CRYGN: variants seen among roughly 807,000 people sequenced by gnomAD.
CRYGN encodes crystallin gamma N.
Under a neutral mutation model 19.2 loss-of-function variants are expected in CRYGN, and 17 were observed. That is an observed-to-expected ratio of 0.89 (90% CI 0.61 to 1.33). CRYGN has a LOEUF of 1.33. CRYGN is among the 40% of genes most tolerant of loss of function. The pLI, the probability that CRYGN is intolerant of heterozygous loss-of-function variation, is 0.00. For synonymous variants in CRYGN, 84 were observed against 85.8 expected (o/e 0.98, Z 0.12); for missense variants, 239 against 239.6 (o/e 1.00, Z 0.02).
chr7:151,437,526 C>A (rs1801647016), intron 2 of CRYGN, among the ~76,000 whole-genome samples: 2 of 152,144 alleles, frequency 1.3e-5, no homozygotes, highest in African/African-American at 4.8e-5. Context: ...AAGGGACCTG[C>A]CCCCCAATTT....
intron 1 of CRYGN, 101 bp downstream of exon 1, chr7:151,439,796 G>T: frequency 1.6e-6 from 2 of 1,259,394 alleles, no homozygotes. Flanking sequence ...GCTTCCCTTG[G>T]ATTTGTCACC....
Position 151,430,248 on chromosome 7 carries a change from C to T in CRYGN, c.417-68G>A, listed in dbSNP as rs1342416027. On this transcript the variant is annotated intron_variant, in intron 3 of 3. Coordinates refer to ENST00000337323, the MANE Select transcript of CRYGN (RefSeq NM_144727.3). This position sits in a 1 kb window ranked among gnomAD's most constrained non-coding sequence, Gnocchi z 5.2. ...GGTACAGAGCAGGCCTTTTGGGGAC[C>T]CATCTACCACATGGCAGCAGGGAGC... The T allele has an allele frequency of 2.0e-6, 3 of 1,496,830 alleles. No homozygotes were observed. Among genetic ancestry groups the T allele is most frequent in the African/African-American group, 1.4e-5 (1 of 71,980 alleles). The allele number at this position is 1,496,830 out of a possible 1,614,324, so 92.7% of individuals were successfully genotyped here.
intron 2 of CRYGN, among the ~76,000 whole-genome samples, chr7:151,437,550 G>A (rs1007854716): frequency 1.2e-4 from 19 of 152,138 alleles, no homozygotes; most frequent in African/African-American, 3.9e-4. Context: ...CCTGACAGGC[G>A]GGTGATTCTT....
rs778293622 is a variant in CRYGN, at chr7:151,436,275, G to A, written c.321C>T (p.Gly107=). 3.8e-6 allele frequency: 6 copies of A among 1,598,492 alleles called. No homozygotes were observed. In the Admixed American group the frequency reaches 1.0e-4, roughly 28 times the overall value. ...TGTCCTCCAGGAACTCCAGGCACTGGCCCGTGAAGTTGCAACCCTCGAAGA... is the reference window on the plus strand; with the variant it reads ...TGTCCTCCAGGAACTCCAGGCACTGACCCGTGAAGTTGCAACCCTCGAAGA... ...LEIFEGCNFT[G]QCLEFLEDSP... Residue 107 remains glycine, a synonymous_variant, in exon 3 of 4, where the codon GGC becomes GGT. Coordinates refer to ENST00000337323, the MANE Select transcript of CRYGN (RefSeq NM_144727.3). This position sits in a 1 kb window ranked among gnomAD's most constrained non-coding sequence, Gnocchi z 5.1.
intron 2 of CRYGN, chr7:151,437,715 AT>A: frequency 5.2e-6 from 5 of 957,154 alleles, no homozygotes; most frequent in Non-Finnish European, 7.5e-6. Flanking sequence ...TTTCAACAGC[AT>A]TTTAAATGGA....
In CRYGN at chr7:151,438,223, G is replaced by A. The variant is rs1801672554; in HGVS notation, c.43C>T (p.His15Tyr). 1 of 1,612,656 alleles carries A rather than the reference G, an allele frequency of 6.2e-7. No individual in the cohort carries two copies. Among genetic ancestry groups the A allele is most frequent in the South Asian group, 1.1e-5 (1 of 91,074 alleles). The part of the protein sequence containing the change: ...SGKITLYEGK[H>Y]FTGQKLEVFG... ...ACCTCCAGCTTCTGCCCTGTGAAGT[G>A]CTTGCCTTCATAGAGAGTGATCTAG... Residue 15 changes from histidine (H) to tyrosine (Y), a missense_variant, in exon 2 of 4, where the codon CAC (histidine) becomes TAC (tyrosine). His to Tyr is a moderately conservative substitution (Grantham distance 83, BLOSUM62 2). Transcript: ENST00000337323.
At chr7:151,437,201 C>A (rs1175668447) in intron 2 of CRYGN, among the ~76,000 whole-genome samples, 2 of 152,218 alleles carry the variant, frequency 1.3e-5, no homozygotes, top group Non-Finnish European at 2.9e-5. Context: ...CACACAAAGG[C>A]CCCTTTACTG....
In CRYGN at chr7:151,431,783, G is replaced by T. The variant is rs2150905575; in HGVS notation, c.417-1603C>A. ...CAGAGATCAGACACAGAGACCCTGG[G>T]TCAGGCCTTTGGCCACATGGCCTGG... On this transcript the variant is annotated intron_variant, in intron 3 of 3. Coordinates refer to ENST00000337323, the MANE Select transcript of CRYGN (RefSeq NM_144727.3). This position sits in a 1 kb window ranked among gnomAD's most constrained non-coding sequence, Gnocchi z 4.8. 5.9e-6 allele frequency: 1 copy of T among 170,168 alleles called. No individual in the cohort carries two copies. The highest frequency in any genetic ancestry group is 2.4e-5 in the African/African-American group (1 of 42,298). The allele number at this position is 170,168 out of a possible 1,614,324, so 10.5% of individuals were successfully genotyped here.
intron 3 of CRYGN, chr7:151,432,279 G>A (rs990692503): frequency 2.4e-5 from 29 of 1,231,368 alleles, no homozygotes; most frequent in Non-Finnish European, 2.9e-5. Context: ...CCTCATACAG[G>A]ACCCACCTGG....
In CRYGN at chr7:151,431,376, AG is replaced by A. The variant is rs1801458725; in HGVS notation, c.417-1197del. Among the ~76,000 whole-genome samples, 1 of 152,068 alleles carries A rather than the reference AG, an allele frequency of 6.6e-6. No individual in the cohort carries two copies. Among genetic ancestry groups the A allele is most frequent in the African/African-American group, 2.4e-5 (1 of 41,414 alleles). On this transcript the variant is annotated intron_variant, in intron 3 of 3. Transcript: ENST00000337323. This position sits in a 1 kb window ranked among gnomAD's most constrained non-coding sequence, Gnocchi z 4.8. ...ACTTCTCCCTCCCCTCTGCCCCTCA[AG>A]GGTGGGGTGTCCCCTCTAGATTCAA...
Position 151,436,033 on chromosome 7 carries a change from G to A in CRYGN, c.416+147C>T. The A allele has an allele frequency of 1.9e-6, 1 of 514,134 alleles. No individual in the cohort carries two copies. The highest frequency in any genetic ancestry group is 3.0e-6 in the Non-Finnish European group (1 of 330,076). The allele number at this position is 514,134 out of a possible 1,614,324, so 31.8% of individuals were successfully genotyped here. A position where few individuals can be genotyped will look rare whatever the true frequency, so the allele number is the denominator to read the frequency against. On this transcript the variant is annotated intron_variant, in intron 3 of 3. Coordinates refer to ENST00000337323, the MANE Select transcript of CRYGN (RefSeq NM_144727.3). The surrounding 1 kb of genome is among the most constrained non-coding windows in gnomAD (Gnocchi z 5.1). ...AGGTGAGGCAGCTGAGGAAAGGAGAGGGCCTGTGGGGCCAGGGACACGCTG... is the reference window on the plus strand; with the variant it reads ...AGGTGAGGCAGCTGAGGAAAGGAGAAGGCCTGTGGGGCCAGGGACACGCTG...
chr7:151,430,358 G>A lies in CRYGN; in HGVS notation c.417-178C>T, dbSNP rs1266856805. ...CCTCGGCTGTCATGGGACAGCCTAC[G>A]GGGGTCCCACAGCAGTCATGGGGCC... On this transcript the variant is annotated intron_variant, in intron 3 of 3. Transcript: ENST00000337323. This position sits in a 1 kb window ranked among gnomAD's most constrained non-coding sequence, Gnocchi z 5.2. Among the ~76,000 whole-genome samples, 8 of 152,174 alleles carry A rather than the reference G, an allele frequency of 5.3e-5. No individual in the cohort carries two copies. The South Asian group carries it at 6.2e-4, about 12-fold the overall frequency.
In CRYGN at chr7:151,439,954, C is replaced by T; in HGVS notation, c.-37G>A. 2 of 1,508,686 alleles carry T rather than the reference C, an allele frequency of 1.3e-6. No individual in the cohort carries two copies. Among genetic ancestry groups the T allele is most frequent in the Middle Eastern group, 3.5e-4 (2 of 5,788 alleles). The allele number at this position is 1,508,686 out of a possible 1,614,324, so 93.5% of individuals were successfully genotyped here. On this transcript the variant is annotated 5_prime_UTR_variant, in exon 1 of 4. It adds an upstream start codon to the 5' untranslated region. Transcript: ENST00000337323. ...CCCCTTCCGCGGGTCCCCGTTTACA[C>T]CGGGCAGCGCCCTGCTGGCTCAGCG...
intron 1 of CRYGN, 122 bp from the exon 2 acceptor site, chr7:151,438,366 C>A: frequency 1.0e-6 from 1 of 981,786 alleles, no homozygotes; most frequent in Non-Finnish European, 1.5e-6. Flanking sequence ...AAAGCCCAGA[C>A]CTGCTGCACA....
rs151156794 is a variant in CRYGN at position 151,435,908 on chromosome 7, A to C, written c.416+272T>G. ...CTCTCCTACCTCTGCTCCTGGACTGAGGCCCTAGAGGGAAGGTCTCAGGGT... is the reference window on the plus strand; with the variant it reads ...CTCTCCTACCTCTGCTCCTGGACTGCGGCCCTAGAGGGAAGGTCTCAGGGT... On this transcript the variant is annotated intron_variant, in intron 3 of 3. Coordinates refer to ENST00000337323, the MANE Select transcript of CRYGN (RefSeq NM_144727.3). This position sits in a 1 kb window ranked among gnomAD's most constrained non-coding sequence, Gnocchi z 4.2. Among the ~76,000 whole-genome samples, 1,204 of 152,248 alleles carry C rather than the reference A, an allele frequency of 7.9e-3. 23 individuals carry two copies. Among genetic ancestry groups the C allele is most frequent in the African/African-American group, 0.028 (1,151 of 41,542 alleles).
chr7:151,433,389 A>C lies in CRYGN; in HGVS notation c.416+2791T>G, dbSNP rs1036681570. 2.0e-5 allele frequency: 3 copies of C among 153,158 alleles called. No homozygotes were observed. Among genetic ancestry groups the C allele is most frequent in the African/African-American group, 7.2e-5 (3 of 41,464 alleles). 9.5% of individuals were successfully genotyped at this position (153,158 alleles called of 1,614,324 possible). ...TGGTCCAAGGAAGACACCTCAGGAC[A>C]GCTCGGAGCAGGGGCTGGCCCAACC... is the stretch of plus-strand genomic sequence containing the variant. On this transcript the variant is annotated intron_variant, in intron 3 of 3. Coordinates refer to ENST00000337323, the MANE Select transcript of CRYGN (RefSeq NM_144727.3). The surrounding 1 kb of genome is among the most constrained non-coding windows in gnomAD (Gnocchi z 5.1).
chr7:151,437,202 C>T (rs1801633127), intron 2 of CRYGN, among the ~76,000 whole-genome samples: 1 of 152,176 alleles, frequency 6.6e-6, no homozygotes, highest in Non-Finnish European at 1.5e-5. Context: ...ACACAAAGGC[C>T]CCTTTACTGG....
rs527911463 is a variant in CRYGN at position 151,433,919 on chromosome 7, C to A, written c.416+2261G>T. 6.6e-6 allele frequency among the ~76,000 whole-genome samples: 1 copy of A among 152,100 alleles called. No individual in the cohort carries two copies. The highest frequency in any genetic ancestry group is 1.5e-5 in the Non-Finnish European group (1 of 68,014). On this transcript the variant is annotated intron_variant, in intron 3 of 3. Coordinates refer to ENST00000337323, the MANE Select transcript of CRYGN (RefSeq NM_144727.3). This position sits in a 1 kb window ranked among gnomAD's most constrained non-coding sequence, Gnocchi z 5.1. ...CAGGTGAGGGTAGGTGGAGGCAGAACGCCAGTGCATTTCCCTCCGAGAGCC... is the reference window on the plus strand; with the variant it reads ...CAGGTGAGGGTAGGTGGAGGCAGAAAGCCAGTGCATTTCCCTCCGAGAGCC...
chr7:151,440,115 C>G lies in CRYGN; in HGVS notation c.-198G>C, dbSNP rs1353640284. ...CACCGCGAGTGCAGCCCGCCCTGCC[C>G]GGGGTCTCCCTGTGCTCTCCGCGTT... On this transcript the variant is annotated 5_prime_UTR_variant, in exon 1 of 4. Transcript: ENST00000337323. 2 of 1,359,622 alleles carry G rather than the reference C, an allele frequency of 1.5e-6. No individual in the cohort carries two copies. Among genetic ancestry groups the G allele is most frequent in the Non-Finnish European group, 1.9e-6 (2 of 1,060,996 alleles). 84.2% of individuals were successfully genotyped at this position (1,359,622 alleles called of 1,614,324 possible). A position where few individuals can be genotyped will look rare whatever the true frequency, so the allele number is the denominator to read the frequency against.
Sources: gnomAD v4.1 joint callset for allele counts (sites outside exome capture counted in the v4.1 genomes callset) on GRCh38, gnomAD v4.1.1 for gene constraint, Gnocchi (gnomAD v3.1) non-coding constraint, MANE v1.5 for transcripts, NCBI Gene and HGNC (gene_info 2026-07-23, HGNC 2026-07-21) for gene names.